Variants in LRCH3 observed in about 807,000 individuals in gnomAD.
LRCH3 encodes leucine rich repeats and calponin homology domain containing 3, also known as DISP complex protein LRCH3.
A neutral mutation model predicts 104.5 loss-of-function variants in LRCH3; 68 were observed. The observed-to-expected ratio is 0.65, with a 90% CI of 0.54 to 0.80. LRCH3 has a LOEUF of 0.80. Among genes scored for constraint, LRCH3 ranks in the 30% least tolerant of loss-of-function variants. The pLI is 0.00. For missense variants in LRCH3, 951 were observed against 953.9 expected, an observed-to-expected ratio of 1.00 and a Z score of 0.04; for synonymous variants, 344 against 361.3, an observed-to-expected ratio of 0.95 and a Z score of 0.54.
rs765722302 is a variant in LRCH3 at position 197,791,571 on chromosome 3, C to A, written c.262+31C>A. On this transcript the variant is annotated intron_variant, in intron 1 of 20. Coordinates refer to ENST00000425562, the MANE Select transcript of LRCH3 (RefSeq NM_001365715.1). ...CGGGGCGGGGGGCGTCTCTGCCCGT[C>A]GGAGACCCGGCGCCGGGAGCCGCCC... The A allele has an allele frequency of 6.7e-6, 10 of 1,502,478 alleles. No homozygotes were observed. In the African/African-American group the frequency reaches 1.5e-4, roughly 22 times the overall value. The allele number at this position is 1,502,478 out of a possible 1,614,324, so 93.1% of individuals were successfully genotyped here.
Position 197,829,607 on chromosome 3 carries a change from T to A in LRCH3, c.821T>A (p.Ile274Lys). Residue 274 changes from isoleucine to lysine, a missense_variant, in exon 6 of 21, where the codon ATA becomes AAA. Ile to Lys is a moderately radical substitution (Grantham distance 102, BLOSUM62 -3). Coordinates refer to ENST00000425562, the MANE Select transcript of LRCH3 (RefSeq NM_001365715.1). ...GKVHIFKYLN[I>K]QACKIAPDLP... ...GTCCACATATTTAAATACCTGAACA[T>A]ACAAGCTTGTAAGATTGCTCCAGAT... The A allele has an allele frequency of 6.2e-7, 1 of 1,613,186 alleles. No individual in the cohort carries two copies. The highest frequency in any genetic ancestry group is 8.5e-7 in the Non-Finnish European group (1 of 1,179,836).
chr3:197,867,331 G>T (rs918719345), intron 17 of LRCH3, among the ~76,000 whole-genome samples: 1 of 150,732 alleles, frequency 6.6e-6, no homozygotes, highest in African/African-American at 2.4e-5. Flanking sequence ...AGGCAGAGTC[G>T]CTTGAACCCA....
intron 1 of LRCH3, among the ~76,000 whole-genome samples, chr3:197,800,211 AC>A (rs1488188256): frequency 6.6e-6 from 1 of 151,990 alleles, no homozygotes; most frequent in African/African-American, 2.4e-5. Flanking sequence ...AAAAAAAAAA[AC>A]CCCACAGTTT....
At chr3:197,832,659 A>T (rs1344093732) in intron 8 of LRCH3, among the ~76,000 whole-genome samples, 1 of 136,596 alleles carries the variant, frequency 7.3e-6, no homozygotes. Flanking sequence ...TGTGGTCATT[A>T]TTTGATCTCT....
At chr3:197,816,701 C>A (rs551620128) in intron 2 of LRCH3, among the ~76,000 whole-genome samples, 1 of 151,838 alleles carries the variant, frequency 6.6e-6, no homozygotes, top group Non-Finnish European at 1.5e-5. Context: ...GCTTTTTTTT[C>A]CACAGAGCTA....
At chr3:197,859,497 T>C (rs961439921) in intron 15 of LRCH3, 9 of 152,424 alleles carry the variant, frequency 5.9e-5, no homozygotes, top group African/African-American at 2.2e-4. Context: ...CCCTGCTTTT[T>C]ATCAGCAATA....
At chr3:197,853,306 C>T (rs911217151) in intron 13 of LRCH3, among the ~76,000 whole-genome samples, 1 of 152,098 alleles carries the variant, frequency 6.6e-6, no homozygotes, top group Non-Finnish European at 1.5e-5. Context: ...TCTTCTGCCT[C>T]AGCCTCCCGA....
chr3:197,831,498 A>G (rs1237231996), intron 7 of LRCH3, among the ~76,000 whole-genome samples: 4 of 151,888 alleles, frequency 2.6e-5, no homozygotes, highest in Non-Finnish European at 5.9e-5. Context: ...ATTGAAACCA[A>G]ATTAATTTTA....
intron 2 of LRCH3, 36 bp from the exon 3 acceptor site, chr3:197,817,140 A>G (rs1437829922): frequency 6.4e-7 from 1 of 1,568,340 alleles, no homozygotes; most frequent in Non-Finnish European, 8.6e-7. Context: ...TCAGTGGTGG[A>G]CTCTGATTCT....
At chr3:197,819,040 C>T (rs1443043257) in intron 3 of LRCH3, among the ~76,000 whole-genome samples, 2 of 151,204 alleles carry the variant, frequency 1.3e-5, no homozygotes, top group African/African-American at 4.9e-5. Context: ...GCAGGAGAAT[C>T]GCTTGAACCT....
intron 1 of LRCH3, among the ~76,000 whole-genome samples, chr3:197,812,504 G>GTTTTTGTTTTTTTTTTTTT (rs1733253022): frequency 2.0e-5 from 1 of 48,954 alleles, no homozygotes; most frequent in Non-Finnish European, 3.5e-5. Flanking sequence ...TCTGCTTTCA[G>GTTTTTGTTTTTTTTTTTTT]TTTTTTTTTT....
chr3:197,817,331 T>TTCTGTGTGTGTGTGC (rs1553916504), intron 3 of LRCH3, 29 bp downstream of exon 3: 1 of 431,848 alleles, frequency 2.3e-6, no homozygotes, highest in African/African-American at 2.8e-5. Context: ...TTGTCCAACA[T>TTCTGTGTGTGTGTGC]GTGTGTGTGT....
At chr3:197,834,540 T>C (rs1295420211) in intron 8 of LRCH3, among the ~76,000 whole-genome samples, 3 of 152,248 alleles carry the variant, frequency 2.0e-5, no homozygotes, top group Non-Finnish European at 4.4e-5. Context: ...TTTCTCTTTT[T>C]TGTGTGTGGC....
intron 1 of LRCH3, among the ~76,000 whole-genome samples, chr3:197,793,327 G>A (rs1001023921): frequency 6.6e-6 from 1 of 152,154 alleles, no homozygotes; most frequent in Non-Finnish European, 1.5e-5. Flanking sequence ...ATATTTTTTA[G>A]TGATTTAAAG....
chr3:197,826,569 G>C (rs1253180234), intron 4 of LRCH3, among the ~76,000 whole-genome samples: 2 of 152,170 alleles, frequency 1.3e-5, no homozygotes, highest in African/African-American at 2.4e-5. Context: ...TCTTTATGTA[G>C]AGTGTTATCT....
chr3:197,848,113 T>C lies in LRCH3; in HGVS notation c.1530+92T>C, dbSNP rs1739026351. The C allele has an allele frequency of 2.3e-6, 3 of 1,311,438 alleles. No individual in the cohort carries two copies. In the East Asian group the frequency reaches 7.3e-5, roughly 32 times the overall value. 81.2% of individuals were successfully genotyped at this position (1,311,438 alleles called of 1,614,324 possible). A position where few individuals can be genotyped will look rare whatever the true frequency, so the allele number is the denominator to read the frequency against. ...CGTTGGTTTTTATTGTCCATTAAAA[T>C]GTCGACCATTTTTCTCTCTGTAAGG... On this transcript the variant is annotated intron_variant, in intron 12 of 20. Coordinates refer to ENST00000425562, the MANE Select transcript of LRCH3 (RefSeq NM_001365715.1).
At chr3:197,835,553 C>T (rs964063604) in intron 8 of LRCH3, 121 bp from the exon 9 acceptor site, 18 of 1,270,588 alleles carry the variant, frequency 1.4e-5, no homozygotes, top group Middle Eastern at 3.0e-4. Context: ...TCATCCCTCC[C>T]ACTTTCAAAA....
At position 197,852,738 on chromosome 3, in the gene LRCH3, C is replaced by T. The variant is rs1580814920; in HGVS notation, c.1590+118C>T. 3.9e-6 allele frequency: 4 copies of T among 1,014,018 alleles called. No individual in the cohort carries two copies. In the African/African-American group the frequency reaches 4.8e-5, roughly 12 times the overall value. 62.8% of individuals were successfully genotyped at this position (1,014,018 alleles called of 1,614,324 possible). On this transcript the variant is annotated intron_variant, in intron 13 of 20. Coordinates refer to ENST00000425562, the MANE Select transcript of LRCH3 (RefSeq NM_001365715.1). ...GAATATTGCCATTTTTCTTTTTCCA[C>T]CTCACAATATTCTCCTTATGAGGGA...
chr3:197,812,811 C>G (rs899760179), intron 1 of LRCH3, among the ~76,000 whole-genome samples: 1 of 152,132 alleles, frequency 6.6e-6, no homozygotes, highest in Non-Finnish European at 1.5e-5. Flanking sequence ...ATCCACCCAC[C>G]TCGGCCTGTC....
Sources: gnomAD v4.1 joint callset for allele counts (sites outside exome capture counted in the v4.1 genomes callset) on GRCh38, gnomAD v4.1.1 for gene constraint, MANE v1.5 for transcripts, NCBI Gene and HGNC (gene_info 2026-07-23, HGNC 2026-07-21) for gene names.